TRIM16: variants seen among roughly 807,000 people sequenced by gnomAD.
TRIM16 encodes the protein tripartite motif containing 16, also known as tripartite motif-containing protein 16.
In TRIM16, 33 loss-of-function variants were observed where a neutral mutation model predicts 50.4. That is an observed-to-expected ratio of 0.65 (90% confidence interval 0.50 to 0.88). The LOEUF (loss-of-function observed/expected upper bound fraction) is 0.88. TRIM16 is among the 40% of genes least tolerant of loss of function. The pLI, the probability that TRIM16 is intolerant of heterozygous loss-of-function variation, is 0.00. For missense variants in TRIM16, 581 were observed against 686.8 expected, an observed-to-expected ratio of 0.85 and a Z score of 1.72; for synonymous variants, 229 against 270.7, an observed-to-expected ratio of 0.85 and a Z score of 1.51.
At chr17:15,682,223 G>A (rs1327238643) in intron 3 of TRIM16, among the ~76,000 whole-genome samples, 3 of 151,976 alleles carry the variant, frequency 2.0e-5, no homozygotes, top group South Asian at 2.1e-4. Context: ...ACTTTATGGC[G>A]CTTTCTTTCT....
chr17:15,642,319 G>C (rs1987151276), intron 8 of TRIM16, among the ~76,000 whole-genome samples: 1 of 149,020 alleles, frequency 6.7e-6, no homozygotes, highest in Admixed American at 6.7e-5. Context: ...CCAGCTGCCA[G>C]GTCATAGGAC....
chr17:15,651,336 ACTTCACTGC>A lies in TRIM16; in HGVS notation c.265_273del (p.Ala89_Lys91del). ...TAATTCACCATGCAGGTTAGACAGGACTTCACTGCCTTCACTCTTCTGGTGTCATCAAGG... is the reference window on the plus strand; with the variant it reads ...TAATTCACCATGCAGGTTAGACAGGACTTCACTCTTCTGGTGTCATCAAGG... On this transcript the variant is annotated inframe_deletion, in exon 7 of 12. Coordinates refer to ENST00000649191, the MANE Select transcript of TRIM16 (RefSeq NM_001348119.1). The A allele has an allele frequency of 6.2e-7, 1 of 1,614,210 alleles. No individual in the cohort carries two copies. The highest frequency in any genetic ancestry group is 8.5e-7 in the Non-Finnish European group (1 of 1,180,036).
rs73978091 is a variant in TRIM16, at chr17:15,658,693, C to G, written c.-337-6747G>C. On this transcript the variant is annotated intron_variant, in intron 6 of 11. Transcript: ENST00000649191. The stretch of plus-strand genomic sequence containing the variant: ...CGGAAGAGTGACATCTAAGTCAGTC[C>G]TCCAAATTCACTTTGCAATTTTTCT... 2.6e-3 allele frequency: 1,210 copies of G among 461,690 alleles called. 12 individuals are homozygous for G. Among genetic ancestry groups the G allele is most frequent in the African/African-American group, 0.024 (1,150 of 47,070 alleles). 28.6% of individuals were successfully genotyped at this position (461,690 alleles called of 1,614,324 possible). A position where few individuals can be genotyped will look rare whatever the true frequency, so the allele number is the denominator to read the frequency against.
intron 11 of TRIM16, 149 bp downstream of exon 11, chr17:15,631,470 G>A (rs1426732967): frequency 1.5e-6 from 1 of 687,066 alleles, no homozygotes; most frequent in East Asian, 3.0e-5. Context: ...TAAAAAAATT[G>A]TTTAAATTAA....
At chr17:15,676,271 G>A (rs1018957898) in intron 6 of TRIM16, among the ~76,000 whole-genome samples, 1 of 152,054 alleles carries the variant, frequency 6.6e-6, no homozygotes, top group Non-Finnish European at 1.5e-5. Flanking sequence ...CCCTGGTTAA[G>A]AACCACTGGT....
intron 7 of TRIM16, among the ~76,000 whole-genome samples, chr17:15,645,852 G>A (rs1040206749): frequency 3.9e-5 from 6 of 152,226 alleles, no homozygotes; most frequent in South Asian, 2.1e-4. Context: ...TACCTGAGAC[G>A]TGATGCCTGG....
chr17:15,657,386 A>C (rs1477572258), intron 6 of TRIM16, among the ~76,000 whole-genome samples: 1 of 152,156 alleles, frequency 6.6e-6, no homozygotes. Flanking sequence ...ACAGGTGCAC[A>C]CTACTGTGCC....
chr17:15,628,742 G>A lies in TRIM16; in HGVS notation c.1568C>T (p.Ala523Val), dbSNP rs750949174. Residue 523 changes from alanine (A) to valine (V), a missense_variant, in exon 12 of 12, where the codon GCC (alanine) becomes GTC (valine). Physicochemically the swap from Ala to Val is moderately conservative, Grantham distance 64. Around this residue, in one of 3 missense-constraint regions of TRIM16, gnomAD observed 115 missense variants for 106.7 expected, o/e 1.08. Coordinates refer to ENST00000649191, the MANE Select transcript of TRIM16 (RefSeq NM_001348119.1). Reference protein sequence around the residue: ...YDTMTLVHKFACKFSEPVYAA... With the variant: ...YDTMTLVHKFVCKFSEPVYAA... Reference sequence around the variant, plus strand: ...ATAGACTGGTTCTGAAAATTTGCAGGCAAACTTGTGAACCAGAGTCATGGT... The same window carrying A: ...ATAGACTGGTTCTGAAAATTTGCAGACAAACTTGTGAACCAGAGTCATGGT... 7.8e-5 allele frequency: 126 copies of A among 1,614,036 alleles called. No homozygotes were observed. The highest frequency in any genetic ancestry group is 1.0e-4 in the Non-Finnish European group (122 of 1,180,042).
intron 6 of TRIM16, among the ~76,000 whole-genome samples, chr17:15,669,899 C>A (rs1328714289): frequency 6.6e-6 from 1 of 152,148 alleles, no homozygotes; most frequent in African/African-American, 2.4e-5. Flanking sequence ...GCCAGTAACA[C>A]CCCCTCCCCC....
At position 15,679,712 on chromosome 17, in the gene TRIM16, C is replaced by T. The variant is rs548709420; in HGVS notation, c.-590+1153G>A. On this transcript the variant is annotated intron_variant, in intron 4 of 11. Coordinates refer to ENST00000649191, the MANE Select transcript of TRIM16 (RefSeq NM_001348119.1). ...CAGCACTTTGGGAGGCCGAGGCGGG[C>T]AGATCACAAGGTCAGGAGATCGAGA... 3.9e-5 allele frequency among the ~76,000 whole-genome samples: 6 copies of T among 152,062 alleles called. No individual in the cohort carries two copies. In the East Asian group the frequency reaches 9.7e-4, roughly 25 times the overall value.
In TRIM16 at chr17:15,651,782, T is replaced by A; in HGVS notation, c.-173A>T. Reference sequence around the variant, plus strand: ...CTCATTACTGTGTGCTGGCGCTGGATGGCAGCCAGATGCGATGACGACAAG... The same window carrying A: ...CTCATTACTGTGTGCTGGCGCTGGAAGGCAGCCAGATGCGATGACGACAAG... On this transcript the variant is annotated 5_prime_UTR_variant, in exon 7 of 12. Transcript: ENST00000649191. 6.8e-7 allele frequency: 1 copy of A among 1,473,186 alleles called. No individual in the cohort carries two copies. The highest frequency in any genetic ancestry group is 9.0e-7 in the Non-Finnish European group (1 of 1,117,052). 91.3% of individuals were successfully genotyped at this position (1,473,186 alleles called of 1,614,324 possible).
chr17:15,659,401 A>G (rs1038874118), intron 6 of TRIM16, among the ~76,000 whole-genome samples: 4 of 152,120 alleles, frequency 2.6e-5, no homozygotes, highest in East Asian at 1.9e-4. Flanking sequence ...CTAGAAACCT[A>G]CTTGGGGGAG....
chr17:15,651,209 T>A lies in TRIM16; in HGVS notation c.401A>T (p.His134Leu), dbSNP rs1987680100. The A allele has an allele frequency of 1.2e-6, 2 of 1,614,208 alleles. No homozygotes were observed. The highest frequency in any genetic ancestry group is 4.5e-5 in the East Asian group (2 of 44,878). ...KDHNWRYCPAHHSPLSAFCCP... is the reference protein window; with the variant it reads ...KDHNWRYCPALHSPLSAFCCP... Reference sequence around the variant, plus strand: ...GCAGAAGGCAGACAGTGGGCTGTGGTGGGCAGGGCAGTATCGCCAGTTGTG... The same window carrying A: ...GCAGAAGGCAGACAGTGGGCTGTGGAGGGCAGGGCAGTATCGCCAGTTGTG... The change falls in exon 7 of 12, where the codon CAC (histidine) becomes CTC (leucine). Residue 134 changes from histidine to leucine, a missense_variant. Physicochemically the swap from His to Leu is moderately conservative, Grantham distance 99 (BLOSUM62 -3). Transcript: ENST00000649191.
intron 4 of TRIM16, among the ~76,000 whole-genome samples, chr17:15,678,175 C>T (rs529198222): frequency 1.4e-4 from 21 of 151,176 alleles, no homozygotes; most frequent in South Asian, 2.1e-4. Context: ...GCCGAGATCA[C>T]GCCATTGCAC....
At chr17:15,659,457 T>C (rs1017354725) in intron 6 of TRIM16, among the ~76,000 whole-genome samples, 8 of 152,056 alleles carry the variant, frequency 5.3e-5, no homozygotes, top group African/African-American at 1.9e-4. Flanking sequence ...TGACCACATC[T>C]CAAATGACTC....
intron 7 of TRIM16, among the ~76,000 whole-genome samples, chr17:15,644,819 CTTTG>C (rs921884421): frequency 8.6e-5 from 13 of 150,608 alleles, no homozygotes; most frequent in African/African-American, 2.5e-4. Context: ...TGTTGTTGTT[CTTTG>C]TTTGTTTTTT....
At chr17:15,656,496 G>A (rs1987987027) in intron 6 of TRIM16, among the ~76,000 whole-genome samples, 3 of 152,036 alleles carry the variant, frequency 2.0e-5, no homozygotes, top group African/African-American at 7.2e-5. Context: ...CTAGGTGGAT[G>A]GGAGTCCTCC....
In TRIM16 at chr17:15,628,894, G is replaced by A. The variant is rs76742373; in HGVS notation, c.1416C>T (p.Asn472=). ...GNNFSWSLQW[N]GKEFTAWYSD... ...TGTACCAGGCCGTGAACTCCTTCCC[G>A]TTCCATTGGAGGCTCCAGGAGAAGT... The change falls in exon 12 of 12, where the codon AAC becomes AAT. Residue 472 remains asparagine, a synonymous_variant. Transcript: ENST00000649191. 4.0e-3 allele frequency: 6,498 copies of A among 1,614,208 alleles called. 190 individuals carry two copies. The East Asian group carries it at 0.059, about 15-fold the overall frequency.
In TRIM16 at chr17:15,665,337, A is replaced by G. The variant is rs375235308; in HGVS notation, c.-338+11839T>C. Among the ~76,000 whole-genome samples the G allele has an allele frequency of 4.8e-3, 735 of 151,956 alleles. 2 individuals carry two copies. Among genetic ancestry groups the G allele is most frequent in the African/African-American group, 0.013 (551 of 41,438 alleles). On this transcript the variant is annotated intron_variant, in intron 6 of 11. Transcript: ENST00000649191. ...ATCCTGGCTAACCCAGTGAAACCCC[A>G]TCTCTACTAAAAACACAAAAAATTA...
Sources: gnomAD v4.1 joint callset for allele counts (sites outside exome capture counted in the v4.1 genomes callset) on GRCh38, gnomAD v4.1.1 for gene constraint, gnomAD v4.1.1 regional missense constraint, MANE v1.5 for transcripts, NCBI Gene and HGNC (gene_info 2026-07-23, HGNC 2026-07-21) for gene names.